The following R3HCC1L variants were observed in gnomAD, a reference collection of about 807,000 sequenced individuals.
R3HCC1L encodes the protein coiled-coil domain-containing protein R3HCC1L.
R3HCC1L carries 51 observed loss-of-function variants against 59.9 expected under a neutral mutation model. The ratio of observed to expected loss-of-function variants is 0.85; its 90% CI spans 0.68 to 1.07. The LOEUF (loss-of-function observed/expected upper bound fraction) is 1.07, where lower values mean the gene tolerates loss of function less well. R3HCC1L is among the 50% of genes least tolerant of loss of function. R3HCC1L has a pLI of 0.00. For synonymous variants in R3HCC1L, 322 were observed against 315.2 expected (o/e 1.02, Z -0.23); for missense variants, 965 against 933.0 (o/e 1.03, Z -0.45).
chr10:98,135,568 C>T (rs1844483836), intron 1 of R3HCC1L, among the ~76,000 whole-genome samples: 1 of 152,112 alleles, frequency 6.6e-6, no homozygotes, highest in African/African-American at 2.4e-5. Flanking sequence ...CATGTCTATA[C>T]GAAGATCAAA....
In R3HCC1L at chr10:98,234,510, A is replaced by G. The variant is rs146183507; in HGVS notation, c.2026A>G (p.Ile676Val). 4.9e-5 allele frequency: 79 copies of G among 1,611,300 alleles called. 1 individual carries two copies. The highest frequency in any genetic ancestry group is 4.7e-4 in the East Asian group (21 of 44,810). ...TGCCCTAGGAGTATTCTCCAGTCCAATTACAGGTATTCACCCAGTGGCTTT... is the reference window on the plus strand; with the variant it reads ...TGCCCTAGGAGTATTCTCCAGTCCAGTTACAGGTATTCACCCAGTGGCTTT... ...THALGVFSSPITARDALGIKH... is the reference protein window; with the variant it reads ...THALGVFSSPVTARDALGIKH... Residue 676 changes from isoleucine to valine, a missense_variant, in exon 7 of 10, where the codon ATT becomes GTT. Physicochemically the swap from Ile to Val is conservative, Grantham distance 29 (BLOSUM62 3). Coordinates refer to ENST00000298999, the MANE Select transcript of R3HCC1L (RefSeq NM_001351015.2).
intron 4 of R3HCC1L, among the ~76,000 whole-genome samples, chr10:98,195,631 T>G (rs1040491202): frequency 1.3e-5 from 2 of 152,162 alleles, no homozygotes; most frequent in African/African-American, 4.8e-5. Flanking sequence ...AAACTTTTCC[T>G]AAAAGTAGAT....
chr10:98,160,533 A>G (rs1441901604), intron 2 of R3HCC1L, among the ~76,000 whole-genome samples: 1 of 152,250 alleles, frequency 6.6e-6, no homozygotes, highest in Non-Finnish European at 1.5e-5. Flanking sequence ...ATGTGCTGAT[A>G]TAAAAACCGT....
At chr10:98,200,707 C>T (rs1851942153) in intron 4 of R3HCC1L, among the ~76,000 whole-genome samples, 1 of 152,054 alleles carries the variant, frequency 6.6e-6, no homozygotes, top group African/African-American at 2.4e-5. Context: ...GGACATATAG[C>T]AGAGCTAAAG....
chr10:98,222,976 A>G (rs983742710), intron 5 of R3HCC1L, among the ~76,000 whole-genome samples: 20 of 152,150 alleles, frequency 1.3e-4, no homozygotes, highest in African/African-American at 4.1e-4. Flanking sequence ...ACACTCTCCC[A>G]AGACTAAACC....
rs1400537650 is a variant in R3HCC1L, at chr10:98,217,262, A to G, written c.1785+7363A>G. ...ATAGACATCCAATTTTTTCAGCACCATTTATTGAAGAGGGCGTGCTTTCCT... is the reference window on the plus strand; with the variant it reads ...ATAGACATCCAATTTTTTCAGCACCGTTTATTGAAGAGGGCGTGCTTTCCT... On this transcript the variant is annotated intron_variant, in intron 5 of 9. Transcript: ENST00000298999. Among the ~76,000 whole-genome samples, 5 of 152,220 alleles carry G rather than the reference A, an allele frequency of 3.3e-5. No individual in the cohort carries two copies. In the East Asian group the frequency reaches 7.7e-4, roughly 24 times the overall value.
chr10:98,147,198 TTGAA>T (rs1340145724), intron 1 of R3HCC1L, among the ~76,000 whole-genome samples: 1 of 152,182 alleles, frequency 6.6e-6, no homozygotes, highest in East Asian at 1.9e-4. Flanking sequence ...TGTTGGCCGT[TTGAA>T]TGTCATCTTT....
intron 4 of R3HCC1L, among the ~76,000 whole-genome samples, chr10:98,167,919 T>G (rs1848116798): frequency 2.0e-5 from 3 of 152,196 alleles, no homozygotes; most frequent in Non-Finnish European, 4.4e-5. Context: ...CTTTACTCTG[T>G]GAATCTTAAA....
At chr10:98,152,567 T>C (rs1179716441) in intron 1 of R3HCC1L, among the ~76,000 whole-genome samples, 6 of 67,336 alleles carry the variant, frequency 8.9e-5, no homozygotes, top group African/African-American at 1.5e-4. Context: ...CCGGCCGCCA[T>C]CCCGTCTAGG....
rs774281205 is a variant in R3HCC1L at position 98,208,930 on chromosome 10, T to C, written c.816T>C (p.Ser272=). Residue 272 remains serine (S), a synonymous_variant, in exon 5 of 10, where the codon AGT becomes AGC. Transcript: ENST00000298999. ...GGITTTSVPG[S]PDGVFDQTCV... Reference sequence around the variant, plus strand: ...TCACCACTACTTCTGTTCCTGGAAGTCCAGATGGTGTCTTTGATCAAACTT... The same window carrying C: ...TCACCACTACTTCTGTTCCTGGAAGCCCAGATGGTGTCTTTGATCAAACTT... The C allele has an allele frequency of 6.8e-6, 11 of 1,614,078 alleles. No homozygotes were observed. The highest frequency in any genetic ancestry group is 8.5e-6 in the Non-Finnish European group (10 of 1,179,974).
chr10:98,196,653 A>G (rs1480040547), intron 4 of R3HCC1L, among the ~76,000 whole-genome samples: 2 of 152,122 alleles, frequency 1.3e-5, no homozygotes, highest in East Asian at 3.9e-4. Context: ...TTGCTTTCAG[A>G]TTCTATGATT....
intron 4 of R3HCC1L, among the ~76,000 whole-genome samples, chr10:98,199,379 C>G (rs1277420769): frequency 1.3e-5 from 2 of 151,888 alleles, no homozygotes; most frequent in Non-Finnish European, 2.9e-5. Context: ...CCTTTGCTTT[C>G]TCTTACATGT....
intron 4 of R3HCC1L, among the ~76,000 whole-genome samples, chr10:98,184,309 T>G (rs1698999277): frequency 6.6e-6 from 1 of 152,172 alleles, no homozygotes; most frequent in African/African-American, 2.4e-5. Context: ...TAACAATGTT[T>G]TGGTCAACAG....
intron 4 of R3HCC1L, among the ~76,000 whole-genome samples, chr10:98,188,198 T>C (rs1477612097): frequency 6.6e-6 from 1 of 152,214 alleles, no homozygotes; most frequent in Non-Finnish European, 1.5e-5. Flanking sequence ...TATTGAATGC[T>C]GTATGTGCCA....
intron 4 of R3HCC1L, among the ~76,000 whole-genome samples, chr10:98,202,747 T>G (rs556704827): frequency 5.9e-4 from 89 of 151,988 alleles, no homozygotes; most frequent in Admixed American, 1.0e-3. Flanking sequence ...AGCTACTCAC[T>G]TGGGAGACTG....
chr10:98,152,602 C>A (rs1392768397), intron 1 of R3HCC1L, among the ~76,000 whole-genome samples: 1 of 126,750 alleles, frequency 7.9e-6, no homozygotes, highest in African/African-American at 2.6e-5. Flanking sequence ...TCTGCCCAGC[C>A]GCCCATAGTC....
At chr10:98,206,087 T>C (rs557982833) in intron 4 of R3HCC1L, among the ~76,000 whole-genome samples, 2 of 152,314 alleles carry the variant, frequency 1.3e-5, no homozygotes, top group South Asian at 4.1e-4. Context: ...CTTTCAGGTA[T>C]AAAGTTAGCT....
chr10:98,226,157 T>G (rs2135540040), intron 5 of R3HCC1L, among the ~76,000 whole-genome samples: 1 of 152,318 alleles, frequency 6.6e-6, no homozygotes, highest in African/African-American at 2.4e-5. Context: ...TTTCTCAGGA[T>G]TTATATTTCT....
chr10:98,205,863 G>A (rs528786348), intron 4 of R3HCC1L, among the ~76,000 whole-genome samples: 2 of 152,190 alleles, frequency 1.3e-5, no homozygotes, highest in Non-Finnish European at 2.9e-5. Context: ...AGTTTCTCTA[G>A]TATATGTCAG....
Sources: allele counts gnomAD v4.1 joint callset (sites outside exome capture counted in the v4.1 genomes callset), GRCh38; gene constraint gnomAD v4.1.1; transcripts MANE v1.5; gene names NCBI Gene and HGNC (gene_info 2026-07-23, HGNC 2026-07-21).